The following PSMB7 variants were observed in gnomAD, a reference collection of about 807,000 sequenced individuals.
PSMB7 encodes proteasome subunit beta type-7.
In PSMB7, 5 loss-of-function variants were observed where a neutral mutation model predicts 28.1. The ratio of observed to expected loss-of-function variants is 0.18; its 90% CI spans 0.09 to 0.37. The LOEUF is 0.37. Ranked by LOEUF, PSMB7 falls within the 10% of genes least tolerant of loss-of-function variation. PSMB7 has a pLI of 1.00. For synonymous variants in PSMB7, 122 were observed against 123.7 expected (o/e 0.99, Z 0.09); for missense variants, 275 against 346.2 (o/e 0.79, Z 1.63).
chr9:124,412,488 A>C lies in PSMB7; in HGVS notation c.259T>G (p.Cys87Gly). The C allele has an allele frequency of 3.7e-6, 6 of 1,613,364 alleles. No individual in the cohort carries two copies. The highest frequency in any genetic ancestry group is 1.1e-5 in the South Asian group (1 of 90,862). Residue 87 changes from cysteine (C) to glycine (G), a missense_variant, in exon 4 of 8, where the codon TGT becomes GGT. Around this residue, in one of 2 missense-constraint regions of PSMB7, gnomAD observed 213 missense variants for 302.4 expected, o/e 0.70. Coordinates refer to ENST00000259457, the MANE Select transcript of PSMB7 (RefSeq NM_002799.4). The part of the protein sequence containing the change: ...IHFISPNIYC[C>G]GAGTAADTDM... The stretch of plus-strand genomic sequence containing the variant: ...GTGTCTGCAGCTGTCCCAGCACCAC[A>C]ACAACTGAAAAATCCAATTAGAAAC...
intron 5 of PSMB7, among the ~76,000 whole-genome samples, chr9:124,398,634 C>A (rs187870196): frequency 5.3e-5 from 8 of 152,152 alleles, no homozygotes; most frequent in African/African-American, 1.9e-4. Flanking sequence ...ATGCAGAGAA[C>A]AGTCAAAAAT....
chr9:124,410,344 C>T (rs1227540953), intron 4 of PSMB7, among the ~76,000 whole-genome samples: 1 of 152,088 alleles, frequency 6.6e-6, no homozygotes, highest in Non-Finnish European at 1.5e-5. Context: ...GAAACATTTG[C>T]TAGATTTTTT....
intron 5 of PSMB7, among the ~76,000 whole-genome samples, chr9:124,400,829 A>G (rs1830896038): frequency 6.6e-6 from 1 of 152,258 alleles, no homozygotes; most frequent in Non-Finnish European, 1.5e-5. Context: ...TATTTATACA[A>G]GTAGACCAAG....
intron 6 of PSMB7, among the ~76,000 whole-genome samples, chr9:124,375,142 C>CA (rs1192502294): frequency 6.6e-6 from 1 of 151,912 alleles, no homozygotes; most frequent in Non-Finnish European, 1.5e-5. Context: ...TCACAATAAA[C>CA]AAAAATACCA....
intron 6 of PSMB7, among the ~76,000 whole-genome samples, chr9:124,361,274 T>C (rs980218104): frequency 6.6e-6 from 1 of 152,240 alleles, no homozygotes; most frequent in African/African-American, 2.4e-5. Flanking sequence ...GCTATCTGTT[T>C]GTCTCCATCA....
At chr9:124,358,451 C>T (rs961584153) in intron 6 of PSMB7, among the ~76,000 whole-genome samples, 4 of 152,200 alleles carry the variant, frequency 2.6e-5, no homozygotes, top group African/African-American at 9.7e-5. Flanking sequence ...TGTACATATG[C>T]AGTCCTGTAA....
intron 6 of PSMB7, among the ~76,000 whole-genome samples, chr9:124,365,549 A>G (rs1473180843): frequency 4.6e-5 from 7 of 152,222 alleles, no homozygotes; most frequent in Non-Finnish European, 1.0e-4. Flanking sequence ...CTACCTGGAA[A>G]ATGATGTACA....
In PSMB7 at chr9:124,383,902, A is replaced by G. The variant is rs916051009; in HGVS notation, c.570+696T>C. The G allele has an allele frequency of 2.0e-5, 3 of 152,328 alleles. No homozygotes were observed. The East Asian group carries it at 5.8e-4, about 29-fold the overall frequency. The allele number at this position is 152,328 out of a possible 1,614,324, so 9.4% of individuals were successfully genotyped here. A position where few individuals can be genotyped will look rare whatever the true frequency, so the allele number is the denominator to read the frequency against. On this transcript the variant is annotated intron_variant, in intron 6 of 7. Transcript: ENST00000259457. ...ACGTGGTACCATGATGGATCCAGGC[A>G]TATTCAACATTCCTGCGACAGTGAC...
rs1831077667 is a variant in PSMB7 at position 124,415,436 on chromosome 9, A to G, written c.-11T>C. The G allele has an allele frequency of 1.2e-6, 2 of 1,613,874 alleles. No homozygotes were observed. Among genetic ancestry groups the G allele is most frequent in the South Asian group, 1.1e-5 (1 of 91,084 alleles). On this transcript the variant is annotated 5_prime_UTR_variant, in exon 1 of 8. Coordinates refer to ENST00000259457, the MANE Select transcript of PSMB7 (RefSeq NM_002799.4). ...CGACACAGCCGCCATCTTCCCAAGA[A>G]AGCAGTTCCGGGTCGGAGGCGGGTG...
At chr9:124,399,377 C>T (rs1295944358) in intron 5 of PSMB7, among the ~76,000 whole-genome samples, 1 of 152,176 alleles carries the variant, frequency 6.6e-6, no homozygotes, top group Non-Finnish European at 1.5e-5. Context: ...TGGGATCCTG[C>T]TTCACTCCTG....
chr9:124,384,974 G>GT (rs1389278065), intron 5 of PSMB7, among the ~76,000 whole-genome samples: 12 of 152,242 alleles, frequency 7.9e-5, no homozygotes, highest in African/African-American at 2.9e-4. Flanking sequence ...TGTTCAAACA[G>GT]TGACTGCCAC....
chr9:124,404,403 C>CT (rs1296182421), intron 5 of PSMB7, among the ~76,000 whole-genome samples: 6 of 152,152 alleles, frequency 3.9e-5, no homozygotes, highest in Admixed American at 3.9e-4. Context: ...ATCTGTATTA[C>CT]TTTTTTTCTT....
intron 6 of PSMB7, among the ~76,000 whole-genome samples, chr9:124,368,470 T>G (rs1438951235): frequency 2.6e-5 from 4 of 152,214 alleles, no homozygotes; most frequent in Admixed American, 2.0e-4. Flanking sequence ...TACTACAGAA[T>G]CTAGTCATCG....
At chr9:124,413,590 C>G (rs1409541884) in intron 3 of PSMB7, among the ~76,000 whole-genome samples, 1 of 151,904 alleles carries the variant, frequency 6.6e-6, no homozygotes, top group African/African-American at 2.4e-5. Context: ...AAAAAAGAAC[C>G]TCTATGGTTC....
intron 4 of PSMB7, among the ~76,000 whole-genome samples, chr9:124,411,973 TG>T (rs1212440121): frequency 1.5e-5 from 2 of 132,640 alleles, no homozygotes; most frequent in Non-Finnish European, 3.2e-5. Context: ...AGGGAGGGGG[TG>T]GGGGGAAGGA....
At chr9:124,389,918 A>G (rs56377178) in intron 5 of PSMB7, among the ~76,000 whole-genome samples, 2,555 of 152,328 alleles carry the variant, frequency 0.017, 83 homozygotes, top group African/African-American at 0.057. Flanking sequence ...CAGGCCCACT[A>G]GCTTATAAAC....
chr9:124,412,923 A>C (rs1362330083), intron 3 of PSMB7, among the ~76,000 whole-genome samples: 1 of 152,204 alleles, frequency 6.6e-6, no homozygotes, highest in Non-Finnish European at 1.5e-5. Flanking sequence ...GATACACAAG[A>C]AGACAAAAAT....
chr9:124,387,183 T>A (rs1168721375), intron 5 of PSMB7, among the ~76,000 whole-genome samples: 1 of 152,040 alleles, frequency 6.6e-6, no homozygotes, highest in East Asian at 1.9e-4. Context: ...GAGGCAGAGT[T>A]TGCAGTGAGC....
chr9:124,356,687 C>T lies in PSMB7; in HGVS notation c.722+77G>A. On this transcript the variant is annotated intron_variant, in intron 7 of 7. Coordinates refer to ENST00000259457, the MANE Select transcript of PSMB7 (RefSeq NM_002799.4). The surrounding 1 kb of genome is among the most constrained non-coding windows in gnomAD (Gnocchi z 4.4). ...AATGTGGAAAGAACCAGGAAAACTCCATCCAGATGCCATGGAGATACCAAG... is the reference window on the plus strand; with the variant it reads ...AATGTGGAAAGAACCAGGAAAACTCTATCCAGATGCCATGGAGATACCAAG... The T allele has an allele frequency of 6.8e-7, 1 of 1,480,058 alleles. No individual in the cohort carries two copies. The highest frequency in any genetic ancestry group is 9.2e-7 in the Non-Finnish European group (1 of 1,087,602). 91.7% of individuals were successfully genotyped at this position (1,480,058 alleles called of 1,614,324 possible). A position where few individuals can be genotyped will look rare whatever the true frequency, so the allele number is the denominator to read the frequency against.
Sources: gnomAD v4.1 joint callset for allele counts (sites outside exome capture counted in the v4.1 genomes callset) on GRCh38, gnomAD v4.1.1 for gene constraint, gnomAD v4.1.1 regional missense constraint, Gnocchi (gnomAD v3.1) non-coding constraint, MANE v1.5 for transcripts, NCBI Gene and HGNC (gene_info 2026-07-23, HGNC 2026-07-21) for gene names.